TSPAN2: variants seen among roughly 807,000 people sequenced by gnomAD.
The protein encoded by TSPAN2 is tetraspanin 2.
TSPAN2 carries 24 observed loss-of-function variants against 33.3 expected under a neutral mutation model. The observed-to-expected ratio is 0.72, with a 90% CI of 0.52 to 1.01. The LOEUF is 1.01. Among genes scored for constraint, TSPAN2 ranks in the 50% least tolerant of loss-of-function variants. The probability of loss-of-function intolerance (pLI) is 0.00; values close to 1 mark genes in which losing one functional copy is unlikely to be tolerated. For missense variants in TSPAN2, 278 were observed against 281.3 expected, an observed-to-expected ratio of 0.99 and a Z score of 0.08; for synonymous variants, 114 against 104.5, an observed-to-expected ratio of 1.09 and a Z score of -0.56.
chr1:115,086,429 G>T (rs543303464), intron 1 of TSPAN2, among the ~76,000 whole-genome samples: 1 of 152,310 alleles, frequency 6.6e-6, no homozygotes, highest in Middle Eastern at 3.4e-3. Context: ...TCACCCCCTC[G>T]CTTTGCCCAG....
chr1:115,050,640 CAAGTT>C, intron 7 of TSPAN2, 85 bp from the exon 8 acceptor site: 1 of 1,007,692 alleles, frequency 9.9e-7, no homozygotes, highest in Non-Finnish European at 1.6e-6. Context: ...GTGTCTAACT[CAAGTT>C]AACAAATAAT....
intron 7 of TSPAN2, 128 bp from the exon 8 acceptor site, chr1:115,050,683 G>T: frequency 1.4e-6 from 1 of 733,440 alleles, no homozygotes; most frequent in South Asian, 1.6e-5. Flanking sequence ...AGTCACAAAT[G>T]ACATTTTAGT....
intron 1 of TSPAN2, among the ~76,000 whole-genome samples, chr1:115,081,884 C>T (rs1281741508): frequency 6.6e-6 from 1 of 152,242 alleles, no homozygotes; most frequent in Non-Finnish European, 1.5e-5. Context: ...TCCACACTCC[C>T]TCTTTCCATG....
intron 2 of TSPAN2, among the ~76,000 whole-genome samples, chr1:115,071,244 C>T (rs536844019): frequency 1.3e-5 from 2 of 152,256 alleles, no homozygotes; most frequent in African/African-American, 4.8e-5. Context: ...GGCATGAATA[C>T]AGAATGCAAT....
chr1:115,056,033 A>C (rs1647406675), intron 6 of TSPAN2, among the ~76,000 whole-genome samples: 1 of 152,142 alleles, frequency 6.6e-6, no homozygotes, highest in Non-Finnish European at 1.5e-5. Flanking sequence ...AAACATACTT[A>C]ATCCTCTAGT....
At chr1:115,083,092 T>C (rs1331942419) in intron 1 of TSPAN2, among the ~76,000 whole-genome samples, 2 of 152,246 alleles carry the variant, frequency 1.3e-5, no homozygotes, top group African/African-American at 4.8e-5. Context: ...ATCTGTAAGA[T>C]GTGCTCCCAG....
At chr1:115,072,813 C>CT in intron 2 of TSPAN2, 92 bp downstream of exon 2, 2 of 1,129,162 alleles carry the variant, frequency 1.8e-6, no homozygotes. Flanking sequence ...TGCCCTCCCC[C>CT]TCCCACCAAA....
intron 7 of TSPAN2, 75 bp from the exon 8 acceptor site, chr1:115,050,630 G>A: frequency 8.8e-7 from 1 of 1,137,282 alleles, no homozygotes; most frequent in Non-Finnish European, 1.3e-6. Flanking sequence ...GACTTCCTGG[G>A]TGTCTAACTC....
chr1:115,048,169 G>A lies in TSPAN2; in HGVS notation c.*2321C>T, dbSNP rs952583924. On this transcript the variant is annotated 3_prime_UTR_variant, in exon 8 of 8. Coordinates refer to ENST00000369516, the MANE Select transcript of TSPAN2 (RefSeq NM_005725.6). ...AATAGCTGAAAATTTATGTATATGTGTATGTATATATATATATACACACAC... is the reference window on the plus strand; with the variant it reads ...AATAGCTGAAAATTTATGTATATGTATATGTATATATATATATACACACAC... The A allele has an allele frequency of 4.0e-5, 5 of 126,360 alleles. No homozygotes were observed. Among genetic ancestry groups the A allele is most frequent in the Non-Finnish European group, 8.3e-5 (5 of 60,090 alleles). The allele number at this position is 126,360 out of a possible 1,614,324, so 7.8% of individuals were successfully genotyped here. A position where few individuals can be genotyped will look rare whatever the true frequency, so the allele number is the denominator to read the frequency against.
chr1:115,089,355 T>G lies in TSPAN2; in HGVS notation c.69+9A>C, dbSNP rs1294044058. 4 of 1,567,374 alleles carry G rather than the reference T, an allele frequency of 2.6e-6. No individual in the cohort carries two copies. The highest frequency in any genetic ancestry group is 3.5e-6 in the Non-Finnish European group (4 of 1,154,546). On this transcript the variant is annotated intron_variant, in intron 1 of 7. Transcript: ENST00000369516. Reference sequence around the variant, plus strand: ...TGCCCTGACCGGCCCTCCCGGCTCCTGGTCTCACCCAGAAGAGCAGGTTGA... The same window carrying G: ...TGCCCTGACCGGCCCTCCCGGCTCCGGGTCTCACCCAGAAGAGCAGGTTGA...
chr1:115,065,278 G>A (rs931871890), intron 2 of TSPAN2, among the ~76,000 whole-genome samples: 1 of 152,158 alleles, frequency 6.6e-6, no homozygotes, highest in African/African-American at 2.4e-5. Flanking sequence ...GGCTTCCAAG[G>A]ATACTTTATC....
chr1:115,068,908 C>A (rs1244853944), intron 2 of TSPAN2, among the ~76,000 whole-genome samples: 1 of 152,206 alleles, frequency 6.6e-6, no homozygotes, highest in Non-Finnish European at 1.5e-5. Context: ...GGAGACAGGG[C>A]AAGCACGGAC....
At chr1:115,071,595 C>A (rs964851440) in intron 2 of TSPAN2, among the ~76,000 whole-genome samples, 9 of 152,190 alleles carry the variant, frequency 5.9e-5, no homozygotes, top group Non-Finnish European at 1.3e-4. Flanking sequence ...AATTAGAATG[C>A]ATCTTTTATG....
intron 1 of TSPAN2, among the ~76,000 whole-genome samples, chr1:115,076,643 A>C (rs142553244): frequency 3.8e-4 from 58 of 152,266 alleles, no homozygotes; most frequent in African/African-American, 1.3e-3. Context: ...AACTAGAAAC[A>C]TTGTTGTTTT....
intron 1 of TSPAN2, among the ~76,000 whole-genome samples, 194 bp downstream of exon 1, chr1:115,089,170 C>A (rs975277101): frequency 1.3e-5 from 2 of 152,174 alleles, no homozygotes; most frequent in African/African-American, 4.8e-5. Flanking sequence ...ATTGATCAAC[C>A]TTCTGTCTTC....
chr1:115,069,443 T>C (rs974371514), intron 2 of TSPAN2, among the ~76,000 whole-genome samples: 3 of 152,168 alleles, frequency 2.0e-5, no homozygotes, highest in Admixed American at 2.0e-4. Context: ...GGGCATTACA[T>C]GCATCTGTTG....
intron 2 of TSPAN2, among the ~76,000 whole-genome samples, chr1:115,069,464 AG>A (rs1456419262): frequency 6.6e-6 from 1 of 152,242 alleles, no homozygotes; most frequent in Non-Finnish European, 1.5e-5. Flanking sequence ...GAATGAAAAA[AG>A]CATGTTCTAC....
chr1:115,089,263 G>C (rs1648961698), intron 1 of TSPAN2, 101 bp downstream of exon 1: 2 of 1,043,620 alleles, frequency 1.9e-6, no homozygotes, highest in Non-Finnish European at 2.7e-6. Flanking sequence ...CCCTCCCCAC[G>C]AGCGCGACTC....
chr1:115,073,139 T>C lies in TSPAN2; in HGVS notation c.70-132A>G, dbSNP rs1035589482. 16 of 733,144 alleles carry C rather than the reference T, an allele frequency of 2.2e-5. No homozygotes were observed. The African/African-American group carries it at 2.4e-4, about 11-fold the overall frequency. 45.4% of individuals were successfully genotyped at this position (733,144 alleles called of 1,614,324 possible). A position where few individuals can be genotyped will look rare whatever the true frequency, so the allele number is the denominator to read the frequency against. On this transcript the variant is annotated intron_variant, in intron 1 of 7. Coordinates refer to ENST00000369516, the MANE Select transcript of TSPAN2 (RefSeq NM_005725.6). ...TCACTTAGACCACCTTCCCATTTTATAGGGGAGAAAATGAAGGCTCAGAGA... is the reference window on the plus strand; with the variant it reads ...TCACTTAGACCACCTTCCCATTTTACAGGGGAGAAAATGAAGGCTCAGAGA...
Sources: gnomAD v4.1 joint callset for allele counts (sites outside exome capture counted in the v4.1 genomes callset) on GRCh38, gnomAD v4.1.1 for gene constraint, MANE v1.5 for transcripts, NCBI Gene and HGNC (gene_info 2026-07-23, HGNC 2026-07-21) for gene names.